The following RAP1A variants were observed in gnomAD, a reference collection of about 807,000 sequenced individuals.
The protein encoded by RAP1A is RAP1A, member of RAS oncogene family.
A neutral mutation model predicts 26.4 loss-of-function variants in RAP1A; 6 were observed. The ratio of observed to expected loss-of-function variants is 0.23; its 90% confidence interval spans 0.12 to 0.45. RAP1A has a LOEUF of 0.45. Among genes scored for constraint, RAP1A ranks in the 20% least tolerant of loss-of-function variants. The pLI, the probability that RAP1A is intolerant of heterozygous loss-of-function variation, is 0.99. For missense variants in RAP1A, 121 were observed against 217.2 expected, an observed-to-expected ratio of 0.56 and a Z score of 2.78; for synonymous variants, 73 against 79.4, an observed-to-expected ratio of 0.92 and a Z score of 0.43.
At chr1:111,542,325 A>T (rs1241338952) in exon 1 of RAP1A, 1 of 478,288 alleles carries the variant, frequency 2.1e-6, no homozygotes, top group Non-Finnish European at 4.2e-6. Context: ...GTTAAAAGAG[A>T]AGTGTCTGTG....
upstream of RAP1A, chr1:111,619,771 C>T (rs1159847732): frequency 2.0e-5 from 8 of 396,322 alleles, no homozygotes; most frequent in Non-Finnish European, 3.6e-5. Flanking sequence ...CGTGCGTGCG[C>T]GTTCTGGAGG....
intron 1 of RAP1A, among the ~76,000 whole-genome samples, chr1:111,569,594 G>C (rs530069279): frequency 3.3e-5 from 5 of 151,804 alleles, no homozygotes; most frequent in African/African-American, 1.2e-4. Flanking sequence ...TTATTCCTAG[G>C]CTGTCTTCTA....
chr1:111,652,105 C>T (rs1386509825), intron 1 of RAP1A, among the ~76,000 whole-genome samples: 1 of 152,130 alleles, frequency 6.6e-6, no homozygotes, highest in Non-Finnish European at 1.5e-5. Context: ...TCCTGAGTAG[C>T]TGGAACTATA....
intron 1 of RAP1A, among the ~76,000 whole-genome samples, chr1:111,652,533 C>T (rs980907253): frequency 2.0e-5 from 3 of 151,616 alleles, no homozygotes; most frequent in African/African-American, 7.3e-5. Flanking sequence ...CCATATGTGG[C>T]TCACAAAGCA....
intron 1 of RAP1A, among the ~76,000 whole-genome samples, chr1:111,582,565 G>A (rs1370108658): frequency 6.6e-6 from 1 of 152,140 alleles, no homozygotes; most frequent in Admixed American, 6.5e-5. Context: ...CATTTTACAA[G>A]CAAAGTGAGT....
At chr1:111,640,148 T>C (rs1047380833) in intron 1 of RAP1A, among the ~76,000 whole-genome samples, 7 of 152,204 alleles carry the variant, frequency 4.6e-5, no homozygotes, top group African/African-American at 1.7e-4. Flanking sequence ...AGCCTTACCC[T>C]CCACCTTTGC....
intron 1 of RAP1A, among the ~76,000 whole-genome samples, chr1:111,644,872 T>C (rs1032040230): frequency 6.6e-6 from 1 of 152,220 alleles, no homozygotes; most frequent in East Asian, 1.9e-4. Context: ...ATTATGCTTA[T>C]GCTTTAAAAA....
At chr1:111,607,719 G>A (rs1250955029) in intron 1 of RAP1A, among the ~76,000 whole-genome samples, 79 of 147,272 alleles carry the variant, frequency 5.4e-4, no homozygotes, top group African/African-American at 1.8e-3. Flanking sequence ...TCCCGGACGG[G>A]GCGGCTGGCC....
intron 1 of RAP1A, among the ~76,000 whole-genome samples, chr1:111,576,470 G>A (rs1009079065): frequency 3.9e-5 from 6 of 152,220 alleles, no homozygotes; most frequent in African/African-American, 1.4e-4. Flanking sequence ...ATTCCTGAAG[G>A]AAGAAAGGAA....
At position 111,703,446 on chromosome 1, in the gene RAP1A, A is replaced by G. The variant is rs1439081039; in HGVS notation, c.294A>G (p.Glu98=). 6.2e-6 allele frequency: 10 copies of G among 1,605,288 alleles called. No homozygotes were observed. Among genetic ancestry groups the G allele is most frequent in the Non-Finnish European group, 8.5e-6 (10 of 1,175,804 alleles). Residue 98 remains glutamate, a synonymous_variant, in exon 5 of 8, where the codon GAA becomes GAG. Coordinates refer to ENST00000369709, the MANE Select transcript of RAP1A (RefSeq NM_002884.4). The part of the protein sequence containing the change: ...STFNDLQDLR[E]QILRVKDTED... ...TTAACGACTTACAGGACCTGAGGGA[A>G]CAGATTTTACGGGTTAAGGACACGG...
At chr1:111,645,301 A>G (rs1178474442) in intron 1 of RAP1A, among the ~76,000 whole-genome samples, 3 of 152,208 alleles carry the variant, frequency 2.0e-5, no homozygotes, top group Non-Finnish European at 4.4e-5. Flanking sequence ...GGACAGCCTC[A>G]TCCTTTGAGT....
intron 1 of RAP1A, among the ~76,000 whole-genome samples, chr1:111,556,821 T>C: frequency 6.6e-6 from 1 of 152,128 alleles, no homozygotes; most frequent in Non-Finnish European, 1.5e-5. Flanking sequence ...TGAATGGTAG[T>C]AATGATTGCA....
At chr1:111,679,380 A>G (rs893883933) in intron 1 of RAP1A, among the ~76,000 whole-genome samples, 7 of 152,182 alleles carry the variant, frequency 4.6e-5, no homozygotes, top group African/African-American at 1.4e-4. Context: ...CATTTCCCAC[A>G]GTTTTTGCAA....
rs1209968819 is a variant in RAP1A, at chr1:111,545,360, T to C, written c.-28+2851T>C. 2.6e-5 allele frequency among the ~76,000 whole-genome samples: 4 copies of C among 152,150 alleles called. No homozygotes were observed. In the East Asian group the frequency reaches 7.7e-4, roughly 29 times the overall value. ...TCTCATTGTAGTCTTAATTTGCATT[T>C]GTGTAATGACTAATGATGTTAAGCA... is the stretch of plus-strand genomic sequence containing the variant. On this transcript the variant is annotated intron_variant, in intron 1 of 7. Coordinates refer to the RAP1A transcript ENST00000356415.
At chr1:111,679,540 C>T (rs144182821) in intron 1 of RAP1A, among the ~76,000 whole-genome samples, 1 of 151,722 alleles carries the variant, frequency 6.6e-6, no homozygotes, top group Non-Finnish European at 1.5e-5. Context: ...CCCAGTGGCA[C>T]CTGGAACCCC....
intron 1 of RAP1A, among the ~76,000 whole-genome samples, chr1:111,670,880 G>A (rs996086971): frequency 5.3e-5 from 8 of 152,190 alleles, no homozygotes; most frequent in African/African-American, 9.7e-5. Flanking sequence ...AAGACGACTT[G>A]TCAAACTTGC....
intron 1 of RAP1A, among the ~76,000 whole-genome samples, chr1:111,600,294 C>T (rs1390544217): frequency 6.6e-6 from 1 of 152,208 alleles, no homozygotes; most frequent in Non-Finnish European, 1.5e-5. Context: ...ATGCCTTGGC[C>T]AGTCAGGACT....
chr1:111,685,943 C>T (rs1661460242), intron 1 of RAP1A, among the ~76,000 whole-genome samples: 1 of 152,140 alleles, frequency 6.6e-6, no homozygotes, highest in Non-Finnish European at 1.5e-5. Context: ...ACTATGCAGC[C>T]ATGAAAGAGA....
intron 1 of RAP1A, among the ~76,000 whole-genome samples, chr1:111,584,968 C>A (rs1424299479): frequency 6.6e-6 from 1 of 152,198 alleles, no homozygotes; most frequent in South Asian, 2.1e-4. Context: ...TTCATTTTCA[C>A]ACCCTTTACT....
Sources: allele counts gnomAD v4.1 joint callset (sites outside exome capture counted in the v4.1 genomes callset), GRCh38; gene constraint gnomAD v4.1.1; transcripts MANE v1.5; gene names NCBI Gene and HGNC (gene_info 2026-07-23, HGNC 2026-07-21).